Variants in CHST8 observed in about 807,000 individuals in gnomAD.
CHST8 encodes the protein GALNAC-4-ST1.
CHST8 carries 10 observed loss-of-function variants against 15.0 expected under a neutral mutation model. The ratio of observed to expected loss-of-function variants is 0.67; its 90% CI spans 0.41 to 1.13. CHST8 has a LOEUF of 1.13. Among genes scored for constraint, CHST8 ranks in the 50% most tolerant of loss-of-function variants. CHST8 has a pLI of 0.00. For missense variants in CHST8, 634 were observed against 608.2 expected, an observed-to-expected ratio of 1.04 and a Z score of -0.45; for synonymous variants, 259 against 256.6, an observed-to-expected ratio of 1.01 and a Z score of -0.09.
chr19:33,689,277 G>C lies in CHST8; in HGVS notation c.16G>C (p.Gly6Arg). The stretch of plus-strand genomic sequence containing the variant: ...CCAGCCCCGGATGACCCTGCGACCT[G>C]GAACAATGCGGCTGGCCTGCATGTT... MTLRP[G>R]TMRLACMFSS... Residue 6 changes from glycine (G) to arginine (R), a missense_variant, in exon 3 of 5, where the codon GGA (glycine) becomes CGA (arginine). Transcript: ENST00000650847. 1 of 1,600,584 alleles carries C rather than the reference G, an allele frequency of 6.2e-7. No homozygotes were observed. Among genetic ancestry groups the C allele is most frequent in the Non-Finnish European group, 8.5e-7 (1 of 1,174,216 alleles).
rs1568359144 is a variant in CHST8 at position 33,757,596 on chromosome 19, GAAAGAAAGA to G, written c.131-13816_131-13808del. Reference sequence around the variant, plus strand: ...AGAAAGAAAGAAAGAAAGAAAGAAAGAAAGAAAGAGCCGGCCATTCAGAAGGGAGCAGAA... The same window carrying G: ...AGAAAGAAAGAAAGAAAGAAAGAAAGGCCGGCCATTCAGAAGGGAGCAGAA... On this transcript the variant is annotated intron_variant, in intron 3 of 4. Coordinates refer to ENST00000650847, the MANE Select transcript of CHST8 (RefSeq NM_001127895.2). Among the ~76,000 whole-genome samples the G allele has an allele frequency of 3.0e-4, 43 of 142,712 alleles. 3 individuals carry two copies. The highest frequency in any genetic ancestry group is 1.0e-3 in the African/African-American group (39 of 38,384). 93.6% of individuals were successfully genotyped at this position (142,712 alleles called of 152,430 possible).
chr19:33,674,044 G>A (rs568290701), intron 2 of CHST8, among the ~76,000 whole-genome samples: 3 of 152,136 alleles, frequency 2.0e-5, no homozygotes, highest in East Asian at 1.9e-4. Flanking sequence ...ATAAGCCACC[G>A]CACCCAGCCT....
intron 1 of CHST8, among the ~76,000 whole-genome samples, chr19:33,654,946 A>C (rs1972491920): frequency 6.6e-6 from 1 of 152,084 alleles, no homozygotes; most frequent in Non-Finnish European, 1.5e-5. Context: ...TCTTTCCTGA[A>C]GTTTAGCTTT....
At chr19:33,716,684 G>A (rs766273177) in intron 3 of CHST8, among the ~76,000 whole-genome samples, 6 of 152,148 alleles carry the variant, frequency 3.9e-5, no homozygotes, top group Non-Finnish European at 7.4e-5. Flanking sequence ...TTTTGTAATC[G>A]GAAGGAGGGG....
intron 3 of CHST8, among the ~76,000 whole-genome samples, chr19:33,748,305 TG>T (rs1177268419): frequency 2.0e-4 from 31 of 152,254 alleles, no homozygotes; most frequent in African/African-American, 7.2e-4. Flanking sequence ...CAGGACCTAA[TG>T]GGTCCGAACC....
chr19:33,706,314 G>A (rs1161245949), intron 3 of CHST8, among the ~76,000 whole-genome samples: 1 of 152,200 alleles, frequency 6.6e-6, no homozygotes, highest in Non-Finnish European at 1.5e-5. Flanking sequence ...ACACGTGTGT[G>A]TGTCCTGATG....
intron 3 of CHST8, among the ~76,000 whole-genome samples, chr19:33,743,730 C>T (rs1974251988): frequency 6.6e-6 from 1 of 152,104 alleles, no homozygotes; most frequent in Non-Finnish European, 1.5e-5. Flanking sequence ...ATCCTCTAAC[C>T]CAAGAGAATC....
chr19:33,625,088 C>CTT (rs112353397), intron 1 of CHST8, among the ~76,000 whole-genome samples: 5 of 144,418 alleles, frequency 3.5e-5, no homozygotes, highest in African/African-American at 1.3e-4. Flanking sequence ...TTCTTTCTTT[C>CTT]TTTTTTTTTT....
chr19:33,656,758 C>A (rs980822535), intron 1 of CHST8, among the ~76,000 whole-genome samples: 2 of 152,060 alleles, frequency 1.3e-5, no homozygotes, highest in African/African-American at 4.8e-5. Context: ...AGGCTAGTCT[C>A]GAACTCCTGG....
At position 33,651,733 on chromosome 19, in the gene CHST8, G is replaced by A. The variant is rs1972451795; in HGVS notation, c.-163-16034G>A. On this transcript the variant is annotated intron_variant, in intron 1 of 4. Coordinates refer to ENST00000650847, the MANE Select transcript of CHST8 (RefSeq NM_001127895.2). ...GTTTCTAATTTTATTGCATTGTGGT[G>A]CAATGTGATAAAATTGCAGAGATTG... 1.3e-5 allele frequency among the ~76,000 whole-genome samples: 2 copies of A among 152,048 alleles called. 1 individual carries two copies. Among genetic ancestry groups the A allele is most frequent in the African/African-American group, 4.8e-5 (2 of 41,390 alleles).
chr19:33,724,807 C>T (rs1973863529), intron 3 of CHST8, among the ~76,000 whole-genome samples: 3 of 152,168 alleles, frequency 2.0e-5, no homozygotes, highest in South Asian at 4.1e-4. Flanking sequence ...CTGGGGAGGT[C>T]CCCAGCTGCT....
At chr19:33,760,170 A>G (rs1371491001) in intron 3 of CHST8, among the ~76,000 whole-genome samples, 1 of 150,578 alleles carries the variant, frequency 6.6e-6, no homozygotes, top group African/African-American at 2.5e-5. Context: ...CCACACCCTA[A>G]AGCTCTTTGA....
chr19:33,755,922 G>A (rs185107809), intron 3 of CHST8, among the ~76,000 whole-genome samples: 35 of 152,324 alleles, frequency 2.3e-4, no homozygotes, highest in Non-Finnish European at 4.0e-4. Flanking sequence ...AGATGTGCAG[G>A]CAGAGGCTAA....
chr19:33,740,260 C>G (rs1226948753), intron 3 of CHST8, among the ~76,000 whole-genome samples: 1 of 152,078 alleles, frequency 6.6e-6, no homozygotes, highest in Non-Finnish European at 1.5e-5. Context: ...AGTCCCCAAG[C>G]TCTTAGGGTG....
chr19:33,688,338 G>T (rs1415953541), intron 2 of CHST8, among the ~76,000 whole-genome samples: 1 of 152,226 alleles, frequency 6.6e-6, no homozygotes, highest in African/African-American at 2.4e-5. Context: ...GGTAAGGGGT[G>T]AGTCACATGG....
chr19:33,687,357 G>C (rs960171853), intron 2 of CHST8, among the ~76,000 whole-genome samples: 3 of 152,220 alleles, frequency 2.0e-5, no homozygotes, highest in African/African-American at 7.2e-5. Context: ...GAGCCCTTGG[G>C]GACACATGAG....
intron 1 of CHST8, among the ~76,000 whole-genome samples, chr19:33,666,190 A>G (rs1395412173): frequency 3.3e-5 from 5 of 152,208 alleles, no homozygotes; most frequent in Non-Finnish European, 2.9e-5. Context: ...TGAGCCCTTC[A>G]TGCCCCACAG....
chr19:33,705,417 G>T (rs1460904030), intron 3 of CHST8, among the ~76,000 whole-genome samples: 2 of 152,190 alleles, frequency 1.3e-5, no homozygotes, highest in East Asian at 3.9e-4. Context: ...AGAGATACAG[G>T]GAAGGCAAGG....
chr19:33,640,577 G>C (rs144530562), intron 1 of CHST8, among the ~76,000 whole-genome samples: 104 of 152,310 alleles, frequency 6.8e-4, no homozygotes, highest in African/African-American at 2.5e-3. Context: ...ACATTATGTG[G>C]AAGTTGGATG....
Sources: gnomAD v4.1 joint callset for allele counts (sites outside exome capture counted in the v4.1 genomes callset) on GRCh38, gnomAD v4.1.1 for gene constraint, MANE v1.5 for transcripts, NCBI Gene and HGNC (gene_info 2026-07-23, HGNC 2026-07-21) for gene names.